Variants in SEC14L2 observed in about 807,000 individuals in gnomAD.
The protein encoded by SEC14L2 is SEC14 like lipid binding 2.
A neutral mutation model predicts 56.9 loss-of-function variants in SEC14L2; 50 were observed. That is an observed-to-expected ratio of 0.88 (90% CI 0.70 to 1.11). The LOEUF (loss-of-function observed/expected upper bound fraction) is 1.11, where lower values mean the gene tolerates loss of function less well. Ranked by LOEUF, SEC14L2 falls within the 50% of genes most tolerant of loss-of-function variation. The pLI is 0.00. For missense variants in SEC14L2, 414 were observed against 500.7 expected, an observed-to-expected ratio of 0.83 and a Z score of 1.65; for synonymous variants, 179 against 188.5, an observed-to-expected ratio of 0.95 and a Z score of 0.41.
chr22:30,424,599 G>A lies in SEC14L2; in HGVS notation c.*2192G>A. On this transcript the variant is annotated 3_prime_UTR_variant, in exon 12 of 12. Coordinates refer to ENST00000615189, the MANE Select transcript of SEC14L2 (RefSeq NM_012429.5). ...TTGCAAAGATTAAAGGAAATAAGCC[G>A]TGCAAAGCGCTTAAGAGCTTGGTAT... 1 of 415,480 alleles carries A rather than the reference G, an allele frequency of 2.4e-6. No individual in the cohort carries two copies. The highest frequency in any genetic ancestry group is 4.8e-6 in the Non-Finnish European group (1 of 208,604). 25.7% of individuals were successfully genotyped at this position (415,480 alleles called of 1,614,324 possible).
chr22:30,406,736 T>C (rs994696832), intron 3 of SEC14L2, among the ~76,000 whole-genome samples: 8 of 152,108 alleles, frequency 5.3e-5, no homozygotes, highest in African/African-American at 1.9e-4. Flanking sequence ...CCATCCCTGC[T>C]TTTTGTTTTC....
At position 30,416,186 on chromosome 22, in the gene SEC14L2, G is replaced by C. The variant is rs367965335; in HGVS notation, c.912-48G>C. On this transcript the variant is annotated intron_variant, in intron 10 of 11. Coordinates refer to ENST00000615189, the MANE Select transcript of SEC14L2 (RefSeq NM_012429.5). The stretch of plus-strand genomic sequence containing the variant: ...AGCCCTGGTGCCAGGACCCCGGAGA[G>C]GGCACACACAGACAGAATTATGTCT... The C allele has an allele frequency of 1.7e-5, 27 of 1,609,382 alleles. No homozygotes were observed. The African/African-American group carries it at 2.9e-4, about 18-fold the overall frequency.
At position 30,422,590 on chromosome 22, in the gene SEC14L2, T is replaced by C. The variant is rs984680580; in HGVS notation, c.*183T>C. 6.0e-6 allele frequency: 4 copies of C among 663,018 alleles called. No individual in the cohort carries two copies. The Admixed American group carries it at 9.2e-5, about 15-fold the overall frequency. 41.1% of individuals were successfully genotyped at this position (663,018 alleles called of 1,614,324 possible). ...GCAGTGGGTCTCCGTGTCTATCAAA[T>C]ACCTAAGGAGTCCCCAGGAGCTGGC... On this transcript the variant is annotated 3_prime_UTR_variant, in exon 12 of 12. Coordinates refer to ENST00000615189, the MANE Select transcript of SEC14L2 (RefSeq NM_012429.5).
chr22:30,403,530 G>A (rs1332323412), intron 2 of SEC14L2, among the ~76,000 whole-genome samples: 3 of 152,222 alleles, frequency 2.0e-5, no homozygotes, highest in Non-Finnish European at 1.5e-5. Context: ...GCAGGAGCCT[G>A]GAGAGGCCTC....
intron 5 of SEC14L2, among the ~76,000 whole-genome samples, chr22:30,408,472 C>G (rs1008400870): frequency 6.6e-6 from 1 of 151,994 alleles, no homozygotes; most frequent in African/African-American, 2.4e-5. Context: ...CATATACCAG[C>G]TACTAGGGAG....
chr22:30,406,371 GC>G lies in SEC14L2; in HGVS notation c.162del (p.Met55CysfsTer25). The G allele has an allele frequency of 6.2e-7, 1 of 1,614,056 alleles. No homozygotes were observed. The highest frequency in any genetic ancestry group is 8.5e-7 in the Non-Finnish European group (1 of 1,179,966). Reference protein sequence around the residue: ...ARSFDLQKSEAMLRKHVEFRK... With the variant: ...ARSFDLQKSEXMLRKHVEFRK... Reference sequence around the variant, plus strand: ...AAGCTTCGACCTGCAGAAGTCGGAGGCCATGCTCCGGAAGGTGAGACACATT... The same window carrying G: ...AAGCTTCGACCTGCAGAAGTCGGAGGCATGCTCCGGAAGGTGAGACACATT... On this transcript the variant is annotated frameshift_variant, in exon 3 of 12. Transcript: ENST00000615189. LOFTEE classifies it high-confidence loss of function.
At chr22:30,412,222 C>A (rs769064910) in intron 8 of SEC14L2, among the ~76,000 whole-genome samples, 1 of 151,968 alleles carries the variant, frequency 6.6e-6, no homozygotes, top group Non-Finnish European at 1.5e-5. Flanking sequence ...AGCAAGATTG[C>A]GAAGGCTACC....
At chr22:30,398,280 G>C (rs1384882014) in intron 1 of SEC14L2, among the ~76,000 whole-genome samples, 7 of 152,230 alleles carry the variant, frequency 4.6e-5, no homozygotes, top group Admixed American at 1.3e-4. Context: ...AGGGTCCTTG[G>C]AGAGGGGTAG....
At position 30,399,529 on chromosome 22, in the gene SEC14L2, A is replaced by AG. The variant is rs1933862242; in HGVS notation, c.55-114_55-113insG. The AG allele has an allele frequency of 2.7e-5, 15 of 552,736 alleles. No homozygotes were observed. In the South Asian group the frequency reaches 4.2e-4, roughly 15 times the overall value. The allele number at this position is 552,736 out of a possible 1,614,324, so 34.2% of individuals were successfully genotyped here. On this transcript the variant is annotated intron_variant, in intron 1 of 11. Coordinates refer to ENST00000615189, the MANE Select transcript of SEC14L2 (RefSeq NM_012429.5). ...ACTCTATCTCAAAAAAAAAAAAAAA[A>AG]AAAAAAAAGAAACAAAGAAAGAGGC...
chr22:30,403,575 C>G (rs546113160), intron 2 of SEC14L2, among the ~76,000 whole-genome samples: 1 of 152,306 alleles, frequency 6.6e-6, no homozygotes, highest in East Asian at 1.9e-4. Flanking sequence ...TGTGGTACTG[C>G]CAAGAGCAGG....
intron 4 of SEC14L2, 39 bp downstream of exon 4, chr22:30,407,193 CT>C (rs753856257): frequency 2.1e-5 from 33 of 1,608,086 alleles, no homozygotes; most frequent in Non-Finnish European, 2.5e-5. Context: ...TATGCTAGGC[CT>C]TTCAGACCCA....
In SEC14L2 at chr22:30,424,926, C is replaced by T; in HGVS notation, c.*2519C>T. ...ATTAATTCATCCAACATCCTGTCCC[C>T]AAGAAGCTCAGTCTGGGGACATACT... On this transcript the variant is annotated 3_prime_UTR_variant, in exon 12 of 12. Transcript: ENST00000615189. 2.3e-6 allele frequency: 1 copy of T among 428,214 alleles called. No homozygotes were observed. The allele number at this position is 428,214 out of a possible 1,614,324, so 26.5% of individuals were successfully genotyped here.
intron 1 of SEC14L2, 49 bp from the exon 2 acceptor site, chr22:30,399,594 C>G (rs753428382): frequency 1.3e-5 from 19 of 1,415,708 alleles, no homozygotes; most frequent in Non-Finnish European, 1.7e-5. Flanking sequence ...AGGCAGAGGG[C>G]AGCAGTCAGG....
chr22:30,410,022 AC>A (rs1934206773), intron 7 of SEC14L2, among the ~76,000 whole-genome samples: 1 of 152,086 alleles, frequency 6.6e-6, no homozygotes, highest in African/African-American at 2.4e-5. Flanking sequence ...ATATAGCAAA[AC>A]CCCATCTCTA....
intron 5 of SEC14L2, 175 bp from the exon 6 acceptor site, chr22:30,409,012 C>T (rs1430967458): frequency 7.1e-6 from 5 of 705,732 alleles, no homozygotes; most frequent in African/African-American, 3.5e-5. Flanking sequence ...AAGAGTGACT[C>T]GCCTAGACCA....
At chr22:30,411,552 C>T (rs1017330892) in intron 8 of SEC14L2, among the ~76,000 whole-genome samples, 3 of 147,954 alleles carry the variant, frequency 2.0e-5, no homozygotes, top group African/African-American at 8.0e-5. Context: ...TCGAGACCAG[C>T]CTGGCCAACA....
At chr22:30,414,195 A>T (rs1177937402) in intron 8 of SEC14L2, among the ~76,000 whole-genome samples, 2 of 152,206 alleles carry the variant, frequency 1.3e-5, no homozygotes, top group African/African-American at 4.8e-5. Flanking sequence ...TCCTGGCCTT[A>T]TCCCAACTCT....
chr22:30,416,275 T>C lies in SEC14L2; in HGVS notation c.953T>C (p.Ile318Thr). Residue 318 changes from isoleucine to threonine, a missense_variant, in exon 11 of 12, where the codon ATT becomes ACT. Ile to Thr is a moderately conservative substitution (Grantham distance 89). Transcript: ENST00000615189. ...MSDGADVGFG[I>T]FLKTKMGERQ... is the part of the protein sequence containing the mutation. The stretch of plus-strand genomic sequence containing the variant: ...GATGGAGCGGATGTTGGTTTTGGGA[T>C]TTTCCTGAAGACCAAGATGGGAGAG... 6.2e-7 allele frequency: 1 copy of C among 1,614,104 alleles called. No homozygotes were observed. The highest frequency in any genetic ancestry group is 8.5e-7 in the Non-Finnish European group (1 of 1,180,018).
chr22:30,425,079 A>ATGATACGGC lies in SEC14L2; in HGVS notation c.*2672_*2673insTGATACGGC. On this transcript the variant is annotated 3_prime_UTR_variant, in exon 12 of 12. Transcript: ENST00000615189. ...CTAGCCTCATTTAGAGCTCGCATTA[A>ATGATACGGC]GAGCACGGGATCTGGATCCACACTG... is the stretch of plus-strand genomic sequence containing the variant. 4 of 270,254 alleles carry ATGATACGGC rather than the reference A, an allele frequency of 1.5e-5. No homozygotes were observed. Among genetic ancestry groups the ATGATACGGC allele is most frequent in the Non-Finnish European group, 3.0e-5 (4 of 133,868 alleles). The allele number at this position is 270,254 out of a possible 1,614,324, so 16.7% of individuals were successfully genotyped here.
Sources: gnomAD v4.1 joint callset for allele counts (sites outside exome capture counted in the v4.1 genomes callset) on GRCh38, gnomAD v4.1.1 for gene constraint, MANE v1.5 for transcripts, NCBI Gene and HGNC (gene_info 2026-07-23, HGNC 2026-07-21) for gene names.